The following UBAP2L variants were observed in gnomAD, a reference collection of about 807,000 sequenced individuals.
UBAP2L encodes ubiquitin-associated protein 2-like.
A neutral mutation model predicts 130.6 loss-of-function variants in UBAP2L; 12 were observed. That is an observed-to-expected ratio of 0.09 (90% CI 0.06 to 0.15). The LOEUF (loss-of-function observed/expected upper bound fraction) is 0.15. Among genes scored for constraint, UBAP2L ranks in the 10% least tolerant of loss-of-function variants. UBAP2L has a pLI of 1.00. For synonymous variants in UBAP2L, 503 were observed against 524.7 expected (o/e 0.96, Z 0.57); for missense variants, 965 against 1,332.5 (o/e 0.72, Z 4.29).
intron 10 of UBAP2L, 22 bp from the exon 11 acceptor site, chr1:154,246,182 G>C (rs1279083878): frequency 1.1e-5 from 17 of 1,587,726 alleles, no homozygotes; most frequent in Non-Finnish European, 1.5e-5. Flanking sequence ...TCTTCATGAA[G>C]ATCCCTTCCC....
intron 21 of UBAP2L, 24 bp from the exon 22 acceptor site, chr1:154,259,924 G>T: frequency 6.2e-7 from 1 of 1,605,996 alleles, no homozygotes; most frequent in South Asian, 1.1e-5. Context: ...TTGAATCTCT[G>T]CTCTTTTTTC....
At chr1:154,222,827 G>T (rs184041129) in intron 1 of UBAP2L, among the ~76,000 whole-genome samples, 108 of 152,236 alleles carry the variant, frequency 7.1e-4, no homozygotes, top group Non-Finnish European at 1.2e-3. Context: ...AGTTTTTTCA[G>T]TGAAATTTCT....
chr1:154,260,174 T>G, intron 22 of UBAP2L, 145 bp downstream of exon 22: 1 of 802,054 alleles, frequency 1.2e-6, no homozygotes, highest in Non-Finnish European at 2.0e-6. Context: ...TCATGGCTTT[T>G]CCTATTCATC....
intron 1 of UBAP2L, among the ~76,000 whole-genome samples, chr1:154,222,591 A>G (rs1666632945): frequency 6.6e-6 from 1 of 152,196 alleles, no homozygotes; most frequent in Admixed American, 6.5e-5. Context: ...CTAGATATCA[A>G]GGTGGTGGGG....
At position 154,227,275 on chromosome 1, in the gene UBAP2L, T is replaced by C. The variant is rs763993117; in HGVS notation, c.91-7T>C. On this transcript the variant is annotated splice_polypyrimidine_tract_variant and splice_region_variant and intron_variant, in intron 2 of 26. Coordinates refer to ENST00000428931, the MANE Select transcript of UBAP2L (RefSeq NM_014847.4). ...TTATGCTTTCTTGATCTCATCTCAATTCCTAGGCCACTGCAGAACAAATTA... is the reference window on the plus strand; with the variant it reads ...TTATGCTTTCTTGATCTCATCTCAACTCCTAGGCCACTGCAGAACAAATTA... 3.1e-6 allele frequency: 5 copies of C among 1,612,758 alleles called. No homozygotes were observed. The highest frequency in any genetic ancestry group is 4.2e-6 in the Non-Finnish European group (5 of 1,179,126).
intron 2 of UBAP2L, among the ~76,000 whole-genome samples, chr1:154,226,716 C>A (rs79796472): frequency 6.6e-6 from 1 of 152,174 alleles, no homozygotes; most frequent in Non-Finnish European, 1.5e-5. Flanking sequence ...TGTTTCAGAG[C>A]GGTTCTGTGA....
intron 8 of UBAP2L, among the ~76,000 whole-genome samples, chr1:154,238,419 G>A (rs1469154451): frequency 6.6e-6 from 1 of 152,216 alleles, no homozygotes; most frequent in Non-Finnish European, 1.5e-5. Context: ...TTTTTGAGCT[G>A]TAGCTTATTC....
intron 6 of UBAP2L, among the ~76,000 whole-genome samples, chr1:154,235,502 G>A (rs747882176): frequency 4.6e-5 from 7 of 151,966 alleles, no homozygotes; most frequent in Admixed American, 2.0e-4. Context: ...ACAGGTGGCC[G>A]CCAGTATGCC....
At chr1:154,231,418 A>G (rs1571639318) in intron 4 of UBAP2L, among the ~76,000 whole-genome samples, 1 of 151,074 alleles carries the variant, frequency 6.6e-6, no homozygotes, top group East Asian at 2.0e-4. Flanking sequence ...TTCCCACCTC[A>G]GCCTCCCAAG....
chr1:154,244,563 C>T lies in UBAP2L; in HGVS notation c.842+1261C>T, dbSNP rs1433623224. ...AATTTTTTATTTTTAGTAGAGGCAG[C>T]GTTTCACCATGTTGGCCAGCCTGAC... On this transcript the variant is annotated intron_variant, in intron 10 of 26. Coordinates refer to ENST00000428931, the MANE Select transcript of UBAP2L (RefSeq NM_014847.4). 9.2e-5 allele frequency among the ~76,000 whole-genome samples: 14 copies of T among 152,056 alleles called. No individual in the cohort carries two copies. In the East Asian group the frequency reaches 2.3e-3, roughly 25 times the overall value.
rs1571907515 is a variant in UBAP2L, at chr1:154,257,494, A to G, written c.2442+60A>G. On this transcript the variant is annotated intron_variant, in intron 20 of 26. Transcript: ENST00000428931. The stretch of plus-strand genomic sequence containing the variant: ...AGGATGTTGTGGCTACTCTTTTTAT[A>G]GCTCTGGCTTCAGATGGACCCCTGT... 1.9e-6 allele frequency: 3 copies of G among 1,588,786 alleles called. No homozygotes were observed. The East Asian group carries it at 6.7e-5, about 36-fold the overall frequency.
chr1:154,266,683 C>T, intron 25 of UBAP2L, 115 bp downstream of exon 25: 1 of 1,090,488 alleles, frequency 9.2e-7, no homozygotes, highest in Non-Finnish European at 1.4e-6. Context: ...GCAGGAAACC[C>T]ATCCTACTTT....
Position 154,249,381 on chromosome 1 carries a change from C to T in UBAP2L, c.1157C>T (p.Thr386Ile), listed in dbSNP as rs749165336. 1 of 1,614,192 alleles carries T rather than the reference C, an allele frequency of 6.2e-7. No homozygotes were observed. The highest frequency in any genetic ancestry group is 1.1e-5 in the South Asian group (1 of 91,080). The change falls in exon 12 of 27, where the codon ACC becomes ATC. Residue 386 changes from threonine to isoleucine, a missense_variant. This residue lies in a region of UBAP2L where 19 missense variants were observed against 59.1 expected (regional missense o/e 0.32). Coordinates refer to ENST00000428931, the MANE Select transcript of UBAP2L (RefSeq NM_014847.4). ...AAQHSQSGST[T>I]TSSWDMGSTT... ...CAGCATTCTCAGTCTGGAAGCACCACCACCTCCTCTTGGGACATGGGCTCG... is the reference window on the plus strand; with the variant it reads ...CAGCATTCTCAGTCTGGAAGCACCATCACCTCCTCTTGGGACATGGGCTCG...
chr1:154,234,765 C>T lies in UBAP2L; in HGVS notation c.448+6C>T. The T allele has an allele frequency of 6.3e-7, 1 of 1,579,404 alleles. No individual in the cohort carries two copies. The highest frequency in any genetic ancestry group is 1.1e-5 in the South Asian group (1 of 87,040). On this transcript the variant is annotated splice_donor_region_variant and intron_variant, in intron 5 of 26. Transcript: ENST00000428931. ...TGCCAGCCGTGGACGAGAGTGTATGCATGGGGCTTTATCAAAACCAGCTGT... is the reference window on the plus strand; with the variant it reads ...TGCCAGCCGTGGACGAGAGTGTATGTATGGGGCTTTATCAAAACCAGCTGT...
rs1438981013 is a variant in UBAP2L, at chr1:154,243,211, T to G, written c.757-6T>G. 6.2e-7 allele frequency: 1 copy of G among 1,610,490 alleles called. No individual in the cohort carries two copies. The highest frequency in any genetic ancestry group is 8.5e-7 in the Non-Finnish European group (1 of 1,177,356). On this transcript the variant is annotated splice_region_variant and splice_polypyrimidine_tract_variant and intron_variant, in intron 9 of 26. Transcript: ENST00000428931. Reference sequence around the variant, plus strand: ...ACCAAGAGTGACTAATCCCTCTGTTTTCCAGCTTTCTGAGACCAAGATCTT... The same window carrying G: ...ACCAAGAGTGACTAATCCCTCTGTTGTCCAGCTTTCTGAGACCAAGATCTT...
chr1:154,246,563 G>A (rs1174602300), intron 11 of UBAP2L, among the ~76,000 whole-genome samples, 188 bp downstream of exon 11: 1 of 152,132 alleles, frequency 6.6e-6, no homozygotes, highest in Admixed American at 6.5e-5. Context: ...ACTTAGTTCT[G>A]GACAGACTGA....
rs973150575 is a variant in UBAP2L, at chr1:154,249,568, A to G, written c.1213+131A>G. 5 of 1,018,358 alleles carry G rather than the reference A, an allele frequency of 4.9e-6. No individual in the cohort carries two copies. The East Asian group carries it at 7.5e-5, about 15-fold the overall frequency. The allele number at this position is 1,018,358 out of a possible 1,614,324, so 63.1% of individuals were successfully genotyped here. A position where few individuals can be genotyped will look rare whatever the true frequency, so the allele number is the denominator to read the frequency against. On this transcript the variant is annotated intron_variant, in intron 12 of 26. Coordinates refer to ENST00000428931, the MANE Select transcript of UBAP2L (RefSeq NM_014847.4). ...GGCAGCTAGTTGGTTACCTTCCCACATGTATTTCCCCTAATCAAATAAGCT... is the reference window on the plus strand; with the variant it reads ...GGCAGCTAGTTGGTTACCTTCCCACGTGTATTTCCCCTAATCAAATAAGCT...
At chr1:154,249,610 G>A (rs1206012727) in intron 12 of UBAP2L, among the ~76,000 whole-genome samples, 173 bp downstream of exon 12, 1 of 152,052 alleles carries the variant, frequency 6.6e-6, no homozygotes, top group Non-Finnish European at 1.5e-5. Context: ...AAGAAGTTGG[G>A]GAATAATAAA....
At chr1:154,261,899 A>G (rs1350143776) in intron 24 of UBAP2L, among the ~76,000 whole-genome samples, 1 of 152,128 alleles carries the variant, frequency 6.6e-6, no homozygotes, top group Non-Finnish European at 1.5e-5. Flanking sequence ...TGTGTCCACT[A>G]TTTGTGACGG....
Sources: allele counts gnomAD v4.1 joint callset (sites outside exome capture counted in the v4.1 genomes callset), GRCh38; gene constraint gnomAD v4.1.1; regional missense constraint gnomAD v4.1.1; transcripts MANE v1.5; gene names NCBI Gene and HGNC (gene_info 2026-07-23, HGNC 2026-07-21).